Variants in VAT1L observed in about 807,000 individuals in gnomAD.
VAT1L encodes the protein putative NADPH-dependent quinone oxidoreductase VAT1L.
VAT1L carries 34 observed loss-of-function variants against 44.1 expected under a neutral mutation model. The observed-to-expected ratio is 0.77, with a 90% confidence interval of 0.59 to 1.03. The LOEUF (loss-of-function observed/expected upper bound fraction) is 1.03, where lower values mean the gene tolerates loss of function less well. Ranked by LOEUF, VAT1L falls within the 50% of genes least tolerant of loss-of-function variation. The probability of loss-of-function intolerance (pLI) is 0.00; values close to 1 mark genes in which losing one functional copy is unlikely to be tolerated. For missense variants in VAT1L, 615 were observed against 538.8 expected (o/e 1.14, Z -1.40); for synonymous variants, 253 against 202.2 (o/e 1.25, Z -2.13).
chr16:77,919,039 G>T (rs987409071), intron 7 of VAT1L, among the ~76,000 whole-genome samples: 4 of 152,216 alleles, frequency 2.6e-5, no homozygotes, highest in Non-Finnish European at 5.9e-5. Flanking sequence ...TTCTGCAGTA[G>T]AGGCTGTGCC....
intron 7 of VAT1L, among the ~76,000 whole-genome samples, chr16:77,965,032 C>G (rs369805043): frequency 6.6e-6 from 1 of 151,992 alleles, no homozygotes; most frequent in Non-Finnish European, 1.5e-5. Context: ...TCAGGTGATT[C>G]GCCCGCCTGG....
chr16:77,904,350 T>C (rs2017417965), intron 7 of VAT1L, among the ~76,000 whole-genome samples: 1 of 152,186 alleles, frequency 6.6e-6, no homozygotes, highest in South Asian at 2.1e-4. Context: ...CAGGCTGCCA[T>C]AACAAAATAT....
chr16:77,844,322 A>C (rs1395721058), intron 3 of VAT1L, among the ~76,000 whole-genome samples: 2 of 152,208 alleles, frequency 1.3e-5, no homozygotes, highest in African/African-American at 2.4e-5. Flanking sequence ...CATTGTGCTA[A>C]GTATTATAAG....
At chr16:77,875,523 C>G (rs1304008462) in intron 4 of VAT1L, among the ~76,000 whole-genome samples, 1 of 152,216 alleles carries the variant, frequency 6.6e-6, no homozygotes, top group African/African-American at 2.4e-5. Flanking sequence ...TCTCCAGAGT[C>G]TTCCTGTTCT....
rs1427854301 is a variant in VAT1L, at chr16:77,884,361, T to G, written c.883-247T>G. On this transcript the variant is annotated intron_variant, in intron 6 of 8. Transcript: ENST00000302536. The surrounding 1 kb of genome is among the most constrained non-coding windows in gnomAD (Gnocchi z 4.5). ...TTACTTGAACCCGGGAGGCAGACGT[T>G]GCAGTAAGCTGAGATCATGCCACTG... Among the ~76,000 whole-genome samples, 1 of 151,992 alleles carries G rather than the reference T, an allele frequency of 6.6e-6. No individual in the cohort carries two copies. Among genetic ancestry groups the G allele is most frequent in the Non-Finnish European group, 1.5e-5 (1 of 68,000 alleles).
chr16:77,941,465 C>A (rs912164912), intron 7 of VAT1L, among the ~76,000 whole-genome samples: 6 of 152,156 alleles, frequency 3.9e-5, no homozygotes, highest in African/African-American at 1.4e-4. Flanking sequence ...AGCTATCAAC[C>A]AGACAATGAA....
intron 7 of VAT1L, among the ~76,000 whole-genome samples, chr16:77,895,472 T>C (rs975665747): frequency 4.6e-5 from 7 of 152,080 alleles, no homozygotes; most frequent in African/African-American, 7.2e-5. Flanking sequence ...CAAGGGCCTA[T>C]GTAAGAGAGA....
intron 2 of VAT1L, among the ~76,000 whole-genome samples, chr16:77,822,398 G>A (rs552878567): frequency 2.0e-5 from 3 of 152,112 alleles, no homozygotes; most frequent in Admixed American, 1.3e-4. Context: ...GATTATAGGC[G>A]TGAGCCACCA....
chr16:77,856,705 T>C (rs566426328), intron 3 of VAT1L, among the ~76,000 whole-genome samples: 37 of 152,324 alleles, frequency 2.4e-4, no homozygotes, highest in Admixed American at 5.9e-4. Context: ...AGGATTGAGT[T>C]GATTAACATC....
intron 8 of VAT1L, among the ~76,000 whole-genome samples, chr16:77,975,169 G>T (rs1033773367): frequency 2.9e-5 from 4 of 139,252 alleles, no homozygotes; most frequent in African/African-American, 1.1e-4. Context: ...GCCTGCAGAG[G>T]TGCTTTCTCC....
chr16:77,828,994 C>G (rs113856632), intron 3 of VAT1L, among the ~76,000 whole-genome samples: 1 of 152,232 alleles, frequency 6.6e-6, no homozygotes, highest in Non-Finnish European at 1.5e-5. Context: ...CTACCACTTT[C>G]CTGGGGCTGC....
chr16:77,977,041 G>A (rs573456629), intron 8 of VAT1L, among the ~76,000 whole-genome samples: 171 of 152,238 alleles, frequency 1.1e-3, no homozygotes, highest in African/African-American at 4.0e-3. Flanking sequence ...CTTGGCATTC[G>A]GGTCCCCTGC....
intron 8 of VAT1L, among the ~76,000 whole-genome samples, chr16:77,975,189 G>A (rs866004127): frequency 1.3e-5 from 1 of 79,632 alleles, no homozygotes; most frequent in Non-Finnish European, 2.7e-5. Context: ...CTACTGGAAT[G>A]ACCACTTTTT....
At chr16:77,813,019 T>G (rs956630680) in intron 1 of VAT1L, among the ~76,000 whole-genome samples, 4 of 152,166 alleles carry the variant, frequency 2.6e-5, no homozygotes, top group African/African-American at 9.6e-5. Flanking sequence ...GTATAAAATT[T>G]TTACTCCATT....
chr16:77,818,880 T>C (rs2016400397), intron 2 of VAT1L, among the ~76,000 whole-genome samples: 1 of 152,228 alleles, frequency 6.6e-6, no homozygotes, highest in Non-Finnish European at 1.5e-5. Context: ...GGAGATGGAA[T>C]TCCTTGCAGC....
intron 7 of VAT1L, among the ~76,000 whole-genome samples, chr16:77,945,013 T>C (rs1284307718): frequency 6.6e-6 from 1 of 152,226 alleles, no homozygotes; most frequent in Non-Finnish European, 1.5e-5. Context: ...TAATGAAGAA[T>C]GATGAGGCTA....
chr16:77,954,946 G>A (rs535332917), intron 7 of VAT1L, among the ~76,000 whole-genome samples: 10 of 152,284 alleles, frequency 6.6e-5, no homozygotes, highest in South Asian at 4.1e-4. Context: ...GGAAACACAC[G>A]TGATTTTAAT....
At chr16:77,801,164 A>G (rs1173295215) in intron 1 of VAT1L, 2 of 150,928 alleles carry the variant, frequency 1.3e-5, no homozygotes, top group African/African-American at 4.9e-5. Context: ...TCCAAGTTCC[A>G]CAAGCTCTAT....
chr16:77,790,064 C>T (rs1429546142), intron 1 of VAT1L, among the ~76,000 whole-genome samples: 1 of 152,232 alleles, frequency 6.6e-6, no homozygotes, highest in Admixed American at 6.5e-5. Flanking sequence ...TAGGTTAGAT[C>T]AGAAACCCAA....
Sources: gnomAD v4.1 joint callset for allele counts (sites outside exome capture counted in the v4.1 genomes callset) on GRCh38, gnomAD v4.1.1 for gene constraint, Gnocchi (gnomAD v3.1) non-coding constraint, MANE v1.5 for transcripts, NCBI Gene and HGNC (gene_info 2026-07-23, HGNC 2026-07-21) for gene names.